Variants in EP300 observed in about 807,000 individuals in gnomAD.
EP300 encodes EP300 lysine acetyltransferase, also known as histone acetyltransferase p300.
Under a neutral mutation model 264.0 loss-of-function variants are expected in EP300, and 31 were observed. The ratio of observed to expected loss-of-function variants is 0.12; its 90% CI spans 0.09 to 0.16. The LOEUF is 0.16. EP300 is among the 10% of genes least tolerant of loss of function. The pLI, the probability that EP300 is intolerant of heterozygous loss-of-function variation, is 1.00. For synonymous variants in EP300, 1,340 were observed against 1,045.4 expected (o/e 1.28, Z -5.44); for missense variants, 2,766 against 3,052.9 (o/e 0.91, Z 2.21).
Position 41,169,451 on chromosome 22 carries a change from A to G in EP300, c.4173-52A>G, listed in dbSNP as rs989860620. On this transcript the variant is annotated intron_variant, in intron 25 of 30. Coordinates refer to ENST00000263253, the MANE Select transcript of EP300 (RefSeq NM_001429.4). ...ATTAGGCACATGGAGTAAAGAACTCATTATGTGACCTGACTTTTTTTTTCC... is the reference window on the plus strand; with the variant it reads ...ATTAGGCACATGGAGTAAAGAACTCGTTATGTGACCTGACTTTTTTTTTCC... 3 of 1,139,746 alleles carry G rather than the reference A, an allele frequency of 2.6e-6. No homozygotes were observed. In the Admixed American group the frequency reaches 5.1e-5, roughly 19 times the overall value. The allele number at this position is 1,139,746 out of a possible 1,614,324, so 70.6% of individuals were successfully genotyped here.
intron 29 of EP300, 39 bp from the exon 30 acceptor site, chr22:41,176,208 A>T (rs1353825013): frequency 6.2e-7 from 1 of 1,610,426 alleles, no homozygotes; most frequent in African/African-American, 1.3e-5. Flanking sequence ...TGACAGAGCG[A>T]GGCCCTGTCT....
chr22:41,117,919 A>C (rs1246642027), intron 2 of EP300, 98 bp downstream of exon 2: 2 of 1,568,732 alleles, frequency 1.3e-6, no homozygotes, highest in African/African-American at 2.7e-5. Context: ...AGTTTCCACT[A>C]TTACACGCCA....
intron 27 of EP300, 143 bp downstream of exon 27, chr22:41,170,714 T>G (rs1041634652): frequency 4.4e-6 from 4 of 908,516 alleles, no homozygotes; most frequent in Non-Finnish European, 6.5e-6. Context: ...CAGGCTGGAG[T>G]GCAGTGACAC....
chr22:41,174,257 G>A (rs2076582), intron 29 of EP300, among the ~76,000 whole-genome samples: 6,216 of 152,130 alleles, frequency 0.041, 417 homozygotes, highest in East Asian at 0.2. Flanking sequence ...ATGGCGAACC[G>A]AAACCCCGTC....
Position 41,101,009 on chromosome 22 carries a change from A to T in EP300, c.94+7911A>T, listed in dbSNP as rs573185873. 9.2e-5 allele frequency among the ~76,000 whole-genome samples: 14 copies of T among 152,316 alleles called. No homozygotes were observed. In the East Asian group the frequency reaches 1.9e-3, roughly 21 times the overall value. On this transcript the variant is annotated intron_variant, in intron 1 of 30. Transcript: ENST00000263253. ...CAGATAGTTAAGGCATAATGAGAAA[A>T]TGGAAAACATTGTTCTTGTTAGAAA...
chr22:41,110,997 C>G (rs1170792564), intron 1 of EP300, among the ~76,000 whole-genome samples: 3 of 148,496 alleles, frequency 2.0e-5, no homozygotes, highest in Non-Finnish European at 3.0e-5. Flanking sequence ...TAGAGTCTCA[C>G]TCTTGTCACC....
rs1222287938 is a variant in EP300, at chr22:41,117,168, C to CT, written c.95-15dup. On this transcript the variant is annotated intron_variant, in intron 1 of 30. Coordinates refer to ENST00000263253, the MANE Select transcript of EP300 (RefSeq NM_001429.4). ...GGTTTTGTCATACTTTGACCTTTGT[C>CT]TTTTCCCTTTGCTTTTAGATTTTGG... The CT allele has an allele frequency of 6.2e-7, 1 of 1,611,898 alleles. No individual in the cohort carries two copies. The highest frequency in any genetic ancestry group is 1.7e-5 in the Admixed American group (1 of 60,006).
intron 1 of EP300, among the ~76,000 whole-genome samples, chr22:41,098,205 A>G (rs1032298132): frequency 3.3e-5 from 5 of 152,216 alleles, no homozygotes; most frequent in Admixed American, 1.3e-4. Flanking sequence ...TTTTCGCTTA[A>G]TAGACGGTAG....
chr22:41,169,401 G>A, intron 25 of EP300, 102 bp from the exon 26 acceptor site: 1 of 774,418 alleles, frequency 1.3e-6, no homozygotes, highest in Non-Finnish European at 2.3e-6. Context: ...TGTGAGCAAA[G>A]AGCCTGGGAG....
Position 41,170,520 on chromosome 22 carries a change from C to T in EP300, c.4401C>T (p.Tyr1467=). 1 of 1,613,694 alleles carries T rather than the reference C, an allele frequency of 6.2e-7. No individual in the cohort carries two copies. The highest frequency in any genetic ancestry group is 8.5e-7 in the Non-Finnish European group (1 of 1,179,940). The stretch of plus-strand genomic sequence containing the variant: ...AGCCCAAGCGACTGCAGGAATGGTA[C>T]AAAAAAATGCTTGACAAGGCTGTAT... ...IPKPKRLQEW[Y]KKMLDKAVSE... The change falls in exon 27 of 31, where the codon TAC becomes TAT. Residue 1467 remains tyrosine (Y), a synonymous_variant. Coordinates refer to ENST00000263253, the MANE Select transcript of EP300 (RefSeq NM_001429.4).
At position 41,178,620 on chromosome 22, in the gene EP300, C is replaced by A. The variant is rs146712254; in HGVS notation, c.6909C>A (p.Leu2303=). ...AAGGCCAGCAGATCCCTAATTCTCT[C>A]TCCAATCAAGTGCGCTCTCCCCAGC... The part of the protein sequence containing the change: ...HLQGQQIPNS[L]SNQVRSPQPV... Residue 2303 remains leucine (L), a synonymous_variant, in exon 31 of 31, where the codon CTC becomes CTA. Transcript: ENST00000263253. The A allele has an allele frequency of 4.3e-6, 7 of 1,614,126 alleles. No homozygotes were observed. Among genetic ancestry groups the A allele is most frequent in the East Asian group, 2.2e-5 (1 of 44,874 alleles).
At chr22:41,154,838 A>T (rs915119104) in intron 16 of EP300, among the ~76,000 whole-genome samples, 157 bp from the exon 17 acceptor site, 5 of 152,182 alleles carry the variant, frequency 3.3e-5, no homozygotes, top group Admixed American at 2.0e-4. Context: ...TAGAATCTAG[A>T]ATCAGTGATT....
rs777830398 is a variant in EP300, at chr22:41,176,734, T to C, written c.5062-39T>C. The C allele has an allele frequency of 7.4e-6, 12 of 1,613,454 alleles. No homozygotes were observed. In the African/African-American group the frequency reaches 1.3e-4, roughly 18 times the overall value. On this transcript the variant is annotated intron_variant, in intron 30 of 30. Transcript: ENST00000263253. Reference sequence around the variant, plus strand: ...CTAAAATACTTTTGAATGACTTAAATCTTGGAGAGTTTACGTGCACCTCCT... The same window carrying C: ...CTAAAATACTTTTGAATGACTTAAACCTTGGAGAGTTTACGTGCACCTCCT...
intron 10 of EP300, among the ~76,000 whole-genome samples, chr22:41,143,894 G>C (rs1390318623): frequency 1.3e-5 from 2 of 152,192 alleles, no homozygotes; most frequent in East Asian, 3.9e-4. Flanking sequence ...TGATTTTTTT[G>C]TTTTAATACA....
chr22:41,105,327 C>G (rs570329106), intron 1 of EP300, among the ~76,000 whole-genome samples: 1 of 150,106 alleles, frequency 6.7e-6, no homozygotes, highest in South Asian at 2.1e-4. Context: ...GAGATTGCAC[C>G]TGGGCCACGA....
chr22:41,136,570 A>T (rs2145721315), intron 7 of EP300, among the ~76,000 whole-genome samples: 1 of 152,098 alleles, frequency 6.6e-6, no homozygotes, highest in Admixed American at 6.5e-5. Context: ...CTGAGGTGGG[A>T]GGAGCACTTG....
At chr22:41,111,799 A>G (rs1264002288) in intron 1 of EP300, among the ~76,000 whole-genome samples, 2 of 151,404 alleles carry the variant, frequency 1.3e-5, no homozygotes, top group East Asian at 3.9e-4. Context: ...TTGGCCTGCT[A>G]AAGTGCTGGG....
intron 1 of EP300, chr22:41,108,003 A>C (rs192997241): frequency 1.3e-5 from 2 of 152,148 alleles, no homozygotes; most frequent in East Asian, 3.9e-4. Flanking sequence ...ACGCCCGGCC[A>C]CCGAGTTTAT....
At chr22:41,141,263 TAATAA>T in intron 10 of EP300, 41 bp downstream of exon 10, 2 of 1,586,058 alleles carry the variant, frequency 1.3e-6, no homozygotes, top group Non-Finnish European at 1.7e-6. Flanking sequence ...GAGAAATTGA[TAATAA>T]AATAGTTTCT....
Sources: gnomAD v4.1 joint callset for allele counts (sites outside exome capture counted in the v4.1 genomes callset) on GRCh38, gnomAD v4.1.1 for gene constraint, MANE v1.5 for transcripts, NCBI Gene and HGNC (gene_info 2026-07-23, HGNC 2026-07-21) for gene names.